The following DST variants were observed in gnomAD, a reference collection of about 807,000 sequenced individuals.
DST encodes bullous pemphigoid antigen.
Under a neutral mutation model 875.2 loss-of-function variants are expected in DST, and 253 were observed. That is an observed-to-expected ratio of 0.29 (90% CI 0.26 to 0.32). The LOEUF is 0.32. Ranked by LOEUF, DST falls within the 10% of genes least tolerant of loss-of-function variation. DST has a pLI of 1.00. For missense variants in DST, 8,287 were observed against 9,111.6 expected, an observed-to-expected ratio of 0.91 and a Z score of 3.68; for synonymous variants, 3,124 against 3,197.1, an observed-to-expected ratio of 0.98 and a Z score of 0.77.
intron 90 of DST, among the ~76,000 whole-genome samples, chr6:56,479,524 TAA>T (rs113615614): frequency 0.26 from 40,146 of 151,854 alleles, 5,461 homozygotes; most frequent in Middle Eastern, 0.43. Context: ...AGAACCAATA[TAA>T]GTGTCCATCA....
chr6:56,881,195 C>T (rs1189902839), intron 3 of DST, among the ~76,000 whole-genome samples: 1 of 152,018 alleles, frequency 6.6e-6, no homozygotes, highest in African/African-American at 2.4e-5. Context: ...AGAAATAAGG[C>T]CAGGCACGGT....
chr6:56,470,258 A>G lies in DST; in HGVS notation c.22346T>C (p.Met7449Thr), dbSNP rs1341861970. 2 of 1,608,324 alleles carry G rather than the reference A, an allele frequency of 1.2e-6. No individual in the cohort carries two copies. The highest frequency in any genetic ancestry group is 3.4e-5 in the Admixed American group (2 of 59,374). The stretch of plus-strand genomic sequence containing the variant: ...GTCAAAGATGTCTGCAACTGCGCTC[A>G]TCTCCAAGCGACTGGTTGGAAACTC... ...SSKFPTSRLEMSAVADIFDRD... is the reference protein window; with the variant it reads ...SSKFPTSRLETSAVADIFDRD... The change falls in exon 96 of 104, where the codon ATG becomes ACG. Residue 7449 changes from methionine to threonine, a missense_variant. Transcript: ENST00000680361.
intron 4 of DST, among the ~76,000 whole-genome samples, chr6:56,774,667 C>A (rs1022989069): frequency 4.6e-5 from 7 of 152,186 alleles, no homozygotes; most frequent in African/African-American, 1.7e-4. Context: ...GAAGTCATCA[C>A]CTACTAAATT....
At chr6:56,893,524 T>C (rs1363682489) in intron 3 of DST, among the ~76,000 whole-genome samples, 1 of 140,588 alleles carries the variant, frequency 7.1e-6, no homozygotes, top group Non-Finnish European at 1.5e-5. Flanking sequence ...TACCCAGTAG[T>C]GGGATTGCTG....
chr6:56,762,694 C>G (rs576604656), intron 4 of DST, among the ~76,000 whole-genome samples: 21 of 152,160 alleles, frequency 1.4e-4, no homozygotes, highest in Non-Finnish European at 2.1e-4. Flanking sequence ...AACTACTTTC[C>G]CTTCATCTCT....
chr6:56,799,888 A>G lies in DST; in HGVS notation c.625+51509T>C, dbSNP rs373674788. Among the ~76,000 whole-genome samples the G allele has an allele frequency of 3.4e-3, 516 of 152,064 alleles. 4 individuals are homozygous for G. The highest frequency in any genetic ancestry group is 0.012 in the African/African-American group (501 of 41,490). ...ATCCACCCCACCTCGGCCTCCCAAC[A>G]TGCTGGGATTACAGGCATGAGCCAC... On this transcript the variant is annotated intron_variant, in intron 4 of 103. Transcript: ENST00000680361.
intron 13 of DST, among the ~76,000 whole-genome samples, chr6:56,646,619 A>C (rs2098944301): frequency 8.0e-6 from 1 of 125,460 alleles, no homozygotes; most frequent in East Asian, 2.6e-4. Flanking sequence ...TCTATCCTTC[A>C]AAAAAAAAAA....
At chr6:56,736,690 G>A (rs908605662) in intron 4 of DST, among the ~76,000 whole-genome samples, 2 of 151,968 alleles carry the variant, frequency 1.3e-5, no homozygotes, top group Non-Finnish European at 2.9e-5. Context: ...CTTTGAAAAT[G>A]TTTGTCCTAT....
chr6:56,818,953 GATC>G (rs2099769869), intron 4 of DST, among the ~76,000 whole-genome samples: 1 of 152,046 alleles, frequency 6.6e-6, no homozygotes, highest in Non-Finnish European at 1.5e-5. Flanking sequence ...TCTGACCCTG[GATC>G]ATCATTCAAT....
chr6:56,602,672 A>G (rs1188593440), intron 43 of DST, among the ~76,000 whole-genome samples: 3 of 151,972 alleles, frequency 2.0e-5, no homozygotes, highest in Non-Finnish European at 4.4e-5. Context: ...GTGTAAGAGT[A>G]TGATAAGGCT....
intron 9 of DST, among the ~76,000 whole-genome samples, chr6:56,698,473 A>T (rs529209842): frequency 6.6e-6 from 1 of 151,986 alleles, no homozygotes; most frequent in Non-Finnish European, 1.5e-5. Flanking sequence ...CTACAGGTGC[A>T]TGCCACCACA....
In DST at chr6:56,897,531, A is replaced by T. The variant is rs190896922; in HGVS notation, c.417+2890T>A. ...CTTTTAGTAGAGAAGGGGTTTTGCCATGTTGGCTAGGCTGGTCTCAAACTC... is the reference window on the plus strand; with the variant it reads ...CTTTTAGTAGAGAAGGGGTTTTGCCTTGTTGGCTAGGCTGGTCTCAAACTC... On this transcript the variant is annotated intron_variant, in intron 3 of 103. Transcript: ENST00000680361. 2.3e-3 allele frequency among the ~76,000 whole-genome samples: 348 copies of T among 152,146 alleles called. 3 individuals are homozygous for T. The highest frequency in any genetic ancestry group is 0.014 in the Middle Eastern group (4 of 294).
At chr6:56,864,334 G>C (rs1010176201) in intron 3 of DST, among the ~76,000 whole-genome samples, 4 of 152,126 alleles carry the variant, frequency 2.6e-5, no homozygotes, top group Non-Finnish European at 5.9e-5. Flanking sequence ...ATCTCTGTGT[G>C]TGTATGTGTG....
At chr6:56,860,270 G>A (rs1332861907) in intron 3 of DST, among the ~76,000 whole-genome samples, 3 of 152,132 alleles carry the variant, frequency 2.0e-5, no homozygotes, top group Non-Finnish European at 2.9e-5. Context: ...TGTATTCAGA[G>A]AGTAAAGGAA....
chr6:56,504,580 T>A (rs986763798), intron 77 of DST, among the ~76,000 whole-genome samples: 1 of 152,192 alleles, frequency 6.6e-6, no homozygotes, highest in East Asian at 1.9e-4. Context: ...ATATAAATTA[T>A]TAGCATTAAG....
chr6:56,617,007 C>T, intron 36 of DST: 10 of 1,610,506 alleles, frequency 6.2e-6, no homozygotes, highest in Non-Finnish European at 8.5e-6. Flanking sequence ...GCCGCTGAGG[C>T]AAATGAAATC....
chr6:56,786,758 G>A (rs2099706275), intron 4 of DST, among the ~76,000 whole-genome samples: 1 of 151,958 alleles, frequency 6.6e-6, no homozygotes, highest in Admixed American at 6.6e-5. Context: ...CCTGACCTCA[G>A]GTGATCTGCC....
rs770730191 is a variant in DST at position 56,530,062 on chromosome 6, C to A, written c.17180G>T (p.Trp5727Leu). 1 of 1,612,678 alleles carries A rather than the reference C, an allele frequency of 6.2e-7. No individual in the cohort carries two copies. The highest frequency in any genetic ancestry group is 8.5e-7 in the Non-Finnish European group (1 of 1,179,474). Residue 5727 changes from tryptophan (W) to leucine (L), a missense_variant, in exon 65 of 104, where the codon TGG (tryptophan) becomes TTG (leucine). Around this residue, in one of 10 missense-constraint regions of DST, gnomAD observed 777 missense variants for 764.8 expected, o/e 1.02. Transcript: ENST00000680361. Reference protein sequence around the residue: ...FHETLEPLNEWLTTIEKRLVN... With the variant: ...FHETLEPLNELLTTIEKRLVN... ...CAGCCTCTTTTCTATGGTTGTAAGC[C>A]ACTCGTTCAGTGGTTCTAAGGTTTC... is the stretch of plus-strand genomic sequence containing the variant.
In DST at chr6:56,954,608, G is replaced by T; in HGVS notation, c.-21C>A. 7.6e-7 allele frequency: 1 copy of T among 1,323,846 alleles called. No individual in the cohort carries two copies. Among genetic ancestry groups the T allele is most frequent in the Non-Finnish European group, 1.0e-6 (1 of 999,636 alleles). 82.0% of individuals were successfully genotyped at this position (1,323,846 alleles called of 1,614,324 possible). On this transcript the variant is annotated 5_prime_UTR_variant, in exon 1 of 104. Coordinates refer to ENST00000680361, the MANE Select transcript of DST (RefSeq NM_001374736.1). ...ATCATGGTGCGGGCGAGGCGAGGGCGACTCGACGGCGGGGCTGGAGGGCGG... is the reference window on the plus strand; with the variant it reads ...ATCATGGTGCGGGCGAGGCGAGGGCTACTCGACGGCGGGGCTGGAGGGCGG...
Sources: allele counts gnomAD v4.1 joint callset (sites outside exome capture counted in the v4.1 genomes callset), GRCh38; gene constraint gnomAD v4.1.1; regional missense constraint gnomAD v4.1.1; transcripts MANE v1.5; gene names NCBI Gene and HGNC (gene_info 2026-07-23, HGNC 2026-07-21).